The following AKAP13 variants were observed in gnomAD, a reference collection of about 807,000 sequenced individuals.
The protein encoded by AKAP13 is A-kinase anchor protein 13.
AKAP13 carries 80 observed loss-of-function variants against 264.5 expected under a neutral mutation model. The ratio of observed to expected loss-of-function variants is 0.30; its 90% confidence interval spans 0.25 to 0.36. AKAP13 has a LOEUF of 0.36. Among genes scored for constraint, AKAP13 ranks in the 10% least tolerant of loss-of-function variants. AKAP13 has a pLI of 1.00. For synonymous variants in AKAP13, 1,380 were observed against 1,250.2 expected, an observed-to-expected ratio of 1.10 and a Z score of -2.19; for missense variants, 3,712 against 3,435.2, an observed-to-expected ratio of 1.08 and a Z score of -2.01.
rs184175613 is a variant in AKAP13 at position 85,657,289 on chromosome 15, T to C, written c.4746-1248T>C. Among the ~76,000 whole-genome samples, 562 of 152,352 alleles carry C rather than the reference T, an allele frequency of 3.7e-3. 3 individuals carry two copies. Among genetic ancestry groups the C allele is most frequent in the Non-Finnish European group, 5.9e-3 (404 of 68,034 alleles). On this transcript the variant is annotated intron_variant, in intron 11 of 36. Coordinates refer to ENST00000394518, the MANE Select transcript of AKAP13 (RefSeq NM_007200.5). Reference sequence around the variant, plus strand: ...CACTTATTTATTCAGCCAACATATATTGAACACTCACTATGTGCCAGACTC... The same window carrying C: ...CACTTATTTATTCAGCCAACATATACTGAACACTCACTATGTGCCAGACTC...
At chr15:85,627,909 C>T (rs1369081958) in intron 8 of AKAP13, among the ~76,000 whole-genome samples, 1 of 152,174 alleles carries the variant, frequency 6.6e-6, no homozygotes, top group Non-Finnish European at 1.5e-5. Context: ...CCTGCCTTAC[C>T]ATCTTTCTCT....
intron 17 of AKAP13, among the ~76,000 whole-genome samples, chr15:85,703,885 TTTAA>T (rs2086079415): frequency 6.6e-6 from 1 of 151,166 alleles, no homozygotes; most frequent in Non-Finnish European, 1.5e-5. Context: ...CACACATATA[TTTAA>T]TAATTTTTTT....
intron 7 of AKAP13, among the ~76,000 whole-genome samples, chr15:85,582,700 CG>C (rs1880358418): frequency 6.6e-6 from 1 of 151,500 alleles, no homozygotes; most frequent in African/African-American, 2.4e-5. Context: ...GTGTTGTTGA[CG>C]GGGAACTCCT....
intron 2 of AKAP13, among the ~76,000 whole-genome samples, chr15:85,491,497 T>TTTATTATATATTATA (rs1567085099): frequency 0.24 from 33,118 of 140,236 alleles, 4,424 homozygotes; most frequent in Middle Eastern, 0.33. Context: ...TTATATATAT[T>TTTATTATATATTATA]TATTATATAT....
chr15:85,384,267 C>T (rs1056441480), intron 1 of AKAP13, among the ~76,000 whole-genome samples: 3 of 152,156 alleles, frequency 2.0e-5, no homozygotes, highest in Admixed American at 6.5e-5. Context: ...TTTTGATGTT[C>T]CCTTCTTTTA....
Position 85,442,208 on chromosome 15 carries a change from G to A in AKAP13, c.-11-43502G>A, listed in dbSNP as rs1453736506. Among the ~76,000 whole-genome samples the A allele has an allele frequency of 3.3e-5, 5 of 150,998 alleles. No homozygotes were observed. The East Asian group carries it at 7.8e-4, about 24-fold the overall frequency. The stretch of plus-strand genomic sequence containing the variant: ...GGGCGGATCACGAGGTCAGGAGTTC[G>A]AGACCAGCCTGGCCAGCATGGTGAA... On this transcript the variant is annotated intron_variant, in intron 1 of 36. Transcript: ENST00000394518.
At position 85,471,035 on chromosome 15, in the gene AKAP13, C is replaced by G. The variant is rs549302214; in HGVS notation, c.-11-14675C>G. ...CACGTCCCTTGTGACTTCATGCTGGCCTCTTGTTGCCAGCCTGTTACTGCC... is the reference window on the plus strand; with the variant it reads ...CACGTCCCTTGTGACTTCATGCTGGGCTCTTGTTGCCAGCCTGTTACTGCC... On this transcript the variant is annotated intron_variant, in intron 1 of 36. Coordinates refer to ENST00000394518, the MANE Select transcript of AKAP13 (RefSeq NM_007200.5). Among the ~76,000 whole-genome samples the G allele has an allele frequency of 2.0e-5, 3 of 152,138 alleles. No individual in the cohort carries two copies. The South Asian group carries it at 6.2e-4, about 32-fold the overall frequency.
chr15:85,424,075 T>C lies in AKAP13; in HGVS notation c.-12+43277T>C, dbSNP rs191367284. On this transcript the variant is annotated intron_variant, in intron 1 of 36. Coordinates refer to ENST00000394518, the MANE Select transcript of AKAP13 (RefSeq NM_007200.5). ...CAGAGTAGACTTAGCATAATTCTTA[T>C]GGGCTCTAGAATTTTTAGAATGGTA... is the stretch of plus-strand genomic sequence containing the variant. 2.7e-3 allele frequency among the ~76,000 whole-genome samples: 410 copies of C among 152,332 alleles called. 2 individuals are homozygous for C. Among genetic ancestry groups the C allele is most frequent in the African/African-American group, 9.1e-3 (379 of 41,576 alleles).
At chr15:85,497,495 A>G (rs1367319827) in intron 2 of AKAP13, among the ~76,000 whole-genome samples, 3 of 152,146 alleles carry the variant, frequency 2.0e-5, no homozygotes, top group African/African-American at 7.2e-5. Context: ...AGGAGGAAGC[A>G]CAGTCTTTGG....
At chr15:85,685,067 T>C in intron 16 of AKAP13, 194 bp downstream of exon 16, 2 of 634,642 alleles carry the variant, frequency 3.2e-6, no homozygotes, top group Non-Finnish European at 2.6e-6. Context: ...AGTTACTGAG[T>C]TTTCACTATA....
intron 1 of AKAP13, among the ~76,000 whole-genome samples, chr15:85,482,846 A>G (rs2075391956): frequency 6.6e-6 from 1 of 152,224 alleles, no homozygotes; most frequent in Non-Finnish European, 1.5e-5. Flanking sequence ...TGAATTTACC[A>G]GTCTGTTTCT....
chr15:85,664,392 T>C (rs909137328), intron 12 of AKAP13, among the ~76,000 whole-genome samples, 171 bp from the exon 13 acceptor site: 5 of 152,180 alleles, frequency 3.3e-5, no homozygotes, highest in African/African-American at 1.2e-4. Context: ...TTCCAAGATC[T>C]GTGGGGGAAA....
chr15:85,384,228 C>G (rs1335625422), intron 1 of AKAP13, among the ~76,000 whole-genome samples: 1 of 152,164 alleles, frequency 6.6e-6, no homozygotes, highest in Admixed American at 6.5e-5. Context: ...AAAAACATTC[C>G]TGACAAAGCT....
intron 1 of AKAP13, among the ~76,000 whole-genome samples, chr15:85,485,122 C>G (rs2075492068): frequency 6.6e-6 from 1 of 152,156 alleles, no homozygotes; most frequent in South Asian, 2.1e-4. Context: ...GAAGCCTTCT[C>G]TAAATCTTAA....
intron 4 of AKAP13, among the ~76,000 whole-genome samples, chr15:85,539,421 T>G (rs1455010084): frequency 6.6e-6 from 1 of 152,168 alleles, no homozygotes; most frequent in African/African-American, 2.4e-5. Context: ...TTAGGTTTTT[T>G]AAGAGGTAGT....
At chr15:85,589,008 G>T (rs1481851659) in intron 8 of AKAP13, among the ~76,000 whole-genome samples, 1 of 152,120 alleles carries the variant, frequency 6.6e-6, no homozygotes, top group South Asian at 2.1e-4. Context: ...CAGTTCTTGA[G>T]GATTTGCAGG....
chr15:85,426,963 T>TTG (rs985409526), intron 1 of AKAP13, among the ~76,000 whole-genome samples: 1 of 149,148 alleles, frequency 6.7e-6, no homozygotes, highest in Non-Finnish European at 1.5e-5. Flanking sequence ...TTGTTTTTTT[T>TTG]TTTTTTTTTG....
At chr15:85,439,076 A>G (rs539899722) in intron 1 of AKAP13, among the ~76,000 whole-genome samples, 104 of 151,746 alleles carry the variant, frequency 6.9e-4, no homozygotes, top group African/African-American at 2.3e-3. Context: ...TCATCTGACA[A>G]AGGGCTAATA....
At chr15:85,475,185 C>T (rs181706847) in intron 1 of AKAP13, among the ~76,000 whole-genome samples, 20 of 152,272 alleles carry the variant, frequency 1.3e-4, no homozygotes, top group African/African-American at 4.8e-4. Context: ...TTAACCCCTC[C>T]TGAAGTTAAT....
Sources: allele counts gnomAD v4.1 joint callset (sites outside exome capture counted in the v4.1 genomes callset), GRCh38; gene constraint gnomAD v4.1.1; transcripts MANE v1.5; gene names NCBI Gene and HGNC (gene_info 2026-07-23, HGNC 2026-07-21).